EPHA3: variants seen among roughly 807,000 people sequenced by gnomAD.
The protein encoded by EPHA3 is ephrin type-A receptor 3.
EPHA3 carries 42 observed loss-of-function variants against 107.1 expected under a neutral mutation model. That is an observed-to-expected ratio of 0.39 (90% confidence interval 0.31 to 0.51). EPHA3 has a LOEUF of 0.51. EPHA3 is among the 20% of genes least tolerant of loss of function. The pLI, the probability that EPHA3 is intolerant of heterozygous loss-of-function variation, is 0.78. For missense variants in EPHA3, 1,183 were observed against 1,211.2 expected (o/e 0.98, Z 0.35); for synonymous variants, 461 against 424.8 (o/e 1.09, Z -1.05).
At chr3:89,365,177 T>C (rs1287386605) in intron 5 of EPHA3, among the ~76,000 whole-genome samples, 1 of 150,846 alleles carries the variant, frequency 6.6e-6, no homozygotes, top group African/African-American at 2.4e-5. Context: ...AGGTGGGGTT[T>C]GAGGTGGACA....
At chr3:89,385,504 T>A (rs1374961698) in intron 5 of EPHA3, among the ~76,000 whole-genome samples, 1 of 152,182 alleles carries the variant, frequency 6.6e-6, no homozygotes, top group African/African-American at 2.4e-5. Flanking sequence ...AAGGACATGT[T>A]TGCTTCAACT....
intron 1 of EPHA3, among the ~76,000 whole-genome samples, chr3:89,120,656 T>C (rs1368525892): frequency 1.3e-5 from 2 of 152,182 alleles, no homozygotes; most frequent in Non-Finnish European, 2.9e-5. Flanking sequence ...TCTATGTTAT[T>C]TCCTGAATCA....
chr3:89,124,577 T>C (rs1206456834), intron 1 of EPHA3, among the ~76,000 whole-genome samples: 1 of 152,088 alleles, frequency 6.6e-6, no homozygotes, highest in African/African-American at 2.4e-5. Context: ...ATTTAGGTCA[T>C]GTAATTGAAT....
rs1708839625 is a variant in EPHA3, at chr3:89,395,851, C to G, written c.1321C>G (p.Leu441Val). The G allele has an allele frequency of 6.2e-7, 1 of 1,614,012 alleles. No homozygotes were observed. The highest frequency in any genetic ancestry group is 8.5e-7 in the Non-Finnish European group (1 of 1,179,932). The part of the protein sequence containing the change: ...TTNQAAPSPV[L>V]TIKKDRTSRN... ...TCTCTTTACAGCTCCATCACCTGTC[C>G]TGACGATTAAGAAAGATCGGACCTC... The change falls in exon 6 of 17, where the codon CTG becomes GTG. Residue 441 changes from leucine to valine, a missense_variant. Transcript: ENST00000336596.
At chr3:89,287,985 T>C (rs1283544599) in intron 3 of EPHA3, among the ~76,000 whole-genome samples, 1 of 152,080 alleles carries the variant, frequency 6.6e-6, no homozygotes, top group African/African-American at 2.4e-5. Context: ...TTCAGCTACA[T>C]AGGGTTATGC....
chr3:89,223,851 G>A (rs961211956), intron 3 of EPHA3, among the ~76,000 whole-genome samples: 5 of 151,978 alleles, frequency 3.3e-5, no homozygotes, highest in African/African-American at 1.2e-4. Flanking sequence ...AGTAAATATG[G>A]TTCTAAAATA....
At chr3:89,200,023 G>A (rs1374729558) in intron 2 of EPHA3, among the ~76,000 whole-genome samples, 3 of 152,186 alleles carry the variant, frequency 2.0e-5, no homozygotes, top group Non-Finnish European at 4.4e-5. Flanking sequence ...CTAATGAATA[G>A]AGAAATGAGT....
intron 1 of EPHA3, among the ~76,000 whole-genome samples, chr3:89,120,399 T>A (rs1707351206): frequency 1.3e-5 from 2 of 152,138 alleles, no homozygotes; most frequent in Admixed American, 1.3e-4. Context: ...GTTATTTAAG[T>A]CAGGCTGTTA....
At chr3:89,359,953 G>A (rs1157695452) in intron 5 of EPHA3, among the ~76,000 whole-genome samples, 1 of 148,878 alleles carries the variant, frequency 6.7e-6, no homozygotes, top group Non-Finnish European at 1.5e-5. Context: ...TACTGTACTG[G>A]GCATTTTCGA....
chr3:89,409,768 C>T (rs1193559270), intron 9 of EPHA3, among the ~76,000 whole-genome samples: 6 of 152,064 alleles, frequency 3.9e-5, no homozygotes, highest in Non-Finnish European at 7.4e-5. Flanking sequence ...CTGTTCCCTA[C>T]AGCCTTGTTA....
chr3:89,312,858 C>T (rs1576305156), intron 3 of EPHA3, among the ~76,000 whole-genome samples: 2 of 151,786 alleles, frequency 1.3e-5, no homozygotes, highest in East Asian at 1.9e-4. Flanking sequence ...TTCCTGTGTT[C>T]GTTTGCTGAG....
chr3:89,466,360 C>G (rs1576392572), intron 15 of EPHA3, among the ~76,000 whole-genome samples: 1 of 72,512 alleles, frequency 1.4e-5, no homozygotes, highest in East Asian at 3.1e-4. Context: ...GGGCTCCACC[C>G]AGTTCGAGCT....
At chr3:89,203,237 T>C (rs1706014480) in intron 2 of EPHA3, among the ~76,000 whole-genome samples, 1 of 151,372 alleles carries the variant, frequency 6.6e-6, no homozygotes, top group Non-Finnish European at 1.5e-5. Flanking sequence ...CTAGGTTTTT[T>C]TGGTTTTGTT....
intron 2 of EPHA3, among the ~76,000 whole-genome samples, chr3:89,143,388 A>T (rs1377022044): frequency 6.6e-6 from 1 of 151,500 alleles, no homozygotes; most frequent in Non-Finnish European, 1.5e-5. Context: ...TTAGTAATGT[A>T]TAAGCACTTT....
chr3:89,441,427 T>C (rs763385528), intron 13 of EPHA3, among the ~76,000 whole-genome samples: 3 of 152,200 alleles, frequency 2.0e-5, no homozygotes, highest in Non-Finnish European at 4.4e-5. Context: ...TAAATATATC[T>C]TGGGAGCTTA....
intron 2 of EPHA3, among the ~76,000 whole-genome samples, chr3:89,147,604 G>T (rs186528656): frequency 8.8e-4 from 133 of 151,942 alleles, no homozygotes; most frequent in African/African-American, 3.1e-3. Flanking sequence ...TCAATTGACC[G>T]CAATCAGTTC....
At chr3:89,425,272 C>T (rs910618005) in intron 11 of EPHA3, among the ~76,000 whole-genome samples, 3 of 151,260 alleles carry the variant, frequency 2.0e-5, no homozygotes, top group Non-Finnish European at 4.4e-5. Flanking sequence ...ATATTCATTA[C>T]AATATTTTTA....
At chr3:89,445,719 G>A (rs938807170) in intron 13 of EPHA3, among the ~76,000 whole-genome samples, 21 of 152,208 alleles carry the variant, frequency 1.4e-4, no homozygotes, top group African/African-American at 4.8e-4. Context: ...AAGGAAAAGT[G>A]TAAATCAAAA....
At chr3:89,414,048 T>C (rs1440740688) in intron 10 of EPHA3, among the ~76,000 whole-genome samples, 1 of 151,758 alleles carries the variant, frequency 6.6e-6, no homozygotes, top group Non-Finnish European at 1.5e-5. Flanking sequence ...AATCCTTCAA[T>C]GTCACTCCCC....
Sources: gnomAD v4.1 joint callset for allele counts (sites outside exome capture counted in the v4.1 genomes callset) on GRCh38, gnomAD v4.1.1 for gene constraint, MANE v1.5 for transcripts, NCBI Gene and HGNC (gene_info 2026-07-23, HGNC 2026-07-21) for gene names.